Variants in L3MBTL4 observed in about 807,000 individuals in gnomAD.
L3MBTL4 encodes lethal(3)malignant brain tumor-like protein 4.
A neutral mutation model predicts 84.5 loss-of-function variants in L3MBTL4; 70 were observed. That is an observed-to-expected ratio of 0.83 (90% CI 0.68 to 1.01). L3MBTL4 has a LOEUF of 1.01. Among genes scored for constraint, L3MBTL4 ranks in the 50% least tolerant of loss-of-function variants. L3MBTL4 has a pLI of 0.00. For missense variants in L3MBTL4, 715 were observed against 754.8 expected, an observed-to-expected ratio of 0.95 and a Z score of 0.62; for synonymous variants, 274 against 259.8, an observed-to-expected ratio of 1.05 and a Z score of -0.52.
At chr18:5,989,381 G>A (rs569784545) in intron 16 of L3MBTL4, among the ~76,000 whole-genome samples, 122 of 149,418 alleles carry the variant, frequency 8.2e-4, no homozygotes, top group Middle Eastern at 3.4e-3. Context: ...TGCAGCATGA[G>A]CAGTATGTGG....
At chr18:6,338,987 C>G (rs1344218600) in intron 1 of L3MBTL4, among the ~76,000 whole-genome samples, 1 of 152,110 alleles carries the variant, frequency 6.6e-6, no homozygotes, top group Admixed American at 6.5e-5. Flanking sequence ...TACTCATTAA[C>G]AGAATTTCAA....
At chr18:6,130,865 C>T (rs1378784164) in intron 14 of L3MBTL4, among the ~76,000 whole-genome samples, 2 of 151,056 alleles carry the variant, frequency 1.3e-5, no homozygotes, top group Non-Finnish European at 2.9e-5. Flanking sequence ...GTCCTATTTT[C>T]ATACAGATAA....
chr18:6,045,813 A>C (rs765355706), intron 16 of L3MBTL4, among the ~76,000 whole-genome samples: 14 of 152,168 alleles, frequency 9.2e-5, no homozygotes, highest in Non-Finnish European at 1.8e-4. Flanking sequence ...AGACCCTAAA[A>C]AGCAACCACA....
At chr18:5,993,952 T>C (rs2053823259) in intron 16 of L3MBTL4, among the ~76,000 whole-genome samples, 1 of 152,190 alleles carries the variant, frequency 6.6e-6, no homozygotes, top group African/African-American at 2.4e-5. Flanking sequence ...AAGGAATGAA[T>C]GAATAAGCCA....
intron 1 of L3MBTL4, among the ~76,000 whole-genome samples, chr18:6,408,320 A>C (rs1335760533): frequency 6.6e-6 from 1 of 152,188 alleles, no homozygotes; most frequent in Non-Finnish European, 1.5e-5. Context: ...AATAAGAAAA[A>C]ACAATCTAAT....
chr18:6,161,860 T>C (rs2043354908), intron 13 of L3MBTL4, among the ~76,000 whole-genome samples: 1 of 151,894 alleles, frequency 6.6e-6, no homozygotes, highest in Non-Finnish European at 1.5e-5. Flanking sequence ...ATTTCATACA[T>C]TTGTAAACCA....
intron 16 of L3MBTL4, among the ~76,000 whole-genome samples, chr18:5,997,357 C>G (rs1423372941): frequency 7.0e-6 from 1 of 142,054 alleles, no homozygotes. Flanking sequence ...CACAATTTGC[C>G]CATCAGGAAA....
intron 13 of L3MBTL4, among the ~76,000 whole-genome samples, chr18:6,164,779 C>T (rs571377449): frequency 2.0e-5 from 3 of 152,206 alleles, no homozygotes; most frequent in Non-Finnish European, 4.4e-5. Context: ...AGTGCCTCTC[C>T]TCCTCCAAAG....
At chr18:6,277,326 T>A (rs911920317) in intron 4 of L3MBTL4, among the ~76,000 whole-genome samples, 51 of 152,330 alleles carry the variant, frequency 3.3e-4, no homozygotes, top group African/African-American at 1.2e-3. Flanking sequence ...AAGTCTTTAA[T>A]CTATTTGAAA....
chr18:6,027,819 C>G (rs1426441885), intron 16 of L3MBTL4, among the ~76,000 whole-genome samples: 1 of 152,208 alleles, frequency 6.6e-6, no homozygotes, highest in Non-Finnish European at 1.5e-5. Flanking sequence ...TGTTTGTTGT[C>G]CGCAGAAATG....
intron 16 of L3MBTL4, among the ~76,000 whole-genome samples, chr18:6,072,927 C>CAA (rs2057736313): frequency 1.2e-5 from 1 of 80,176 alleles, no homozygotes. Flanking sequence ...TATATATATA[C>CAA]ACACATACAT....
intron 11 of L3MBTL4, among the ~76,000 whole-genome samples, chr18:6,214,069 G>A (rs867954211): frequency 1.3e-5 from 2 of 152,140 alleles, no homozygotes; most frequent in South Asian, 2.1e-4. Flanking sequence ...TTAGATAAAA[G>A]CTGTGTAATT....
chr18:6,218,065 T>C (rs1423258813), intron 10 of L3MBTL4, among the ~76,000 whole-genome samples: 2 of 152,224 alleles, frequency 1.3e-5, no homozygotes, highest in South Asian at 4.1e-4. Flanking sequence ...TTATGAGTTA[T>C]ACTATATATT....
At chr18:6,027,866 C>T (rs1323779418) in intron 16 of L3MBTL4, among the ~76,000 whole-genome samples, 1 of 152,046 alleles carries the variant, frequency 6.6e-6, no homozygotes, top group African/African-American at 2.4e-5. Context: ...ATCCTTTGCC[C>T]ACTTTTTGAT....
intron 1 of L3MBTL4, among the ~76,000 whole-genome samples, chr18:6,377,727 G>A (rs1211689075): frequency 6.6e-6 from 1 of 152,172 alleles, no homozygotes; most frequent in Non-Finnish European, 1.5e-5. Context: ...TATCATTGAT[G>A]GAAATTTGGG....
At chr18:6,272,015 A>G (rs556987554) in intron 4 of L3MBTL4, among the ~76,000 whole-genome samples, 1 of 152,332 alleles carries the variant, frequency 6.6e-6, no homozygotes. Flanking sequence ...TGGGAGGCAG[A>G]TGACATAAGC....
chr18:6,064,932 C>T (rs950796003), intron 16 of L3MBTL4, among the ~76,000 whole-genome samples: 5 of 151,930 alleles, frequency 3.3e-5, no homozygotes, highest in Non-Finnish European at 7.4e-5. Context: ...TGTTCCAGTT[C>T]TCAGGGGGAA....
intron 10 of L3MBTL4, among the ~76,000 whole-genome samples, chr18:6,230,381 C>T (rs2046948499): frequency 6.6e-6 from 1 of 152,140 alleles, no homozygotes; most frequent in Non-Finnish European, 1.5e-5. Flanking sequence ...TGGTCTCCAG[C>T]TCCATCCACA....
intron 17 of L3MBTL4, among the ~76,000 whole-genome samples, chr18:5,966,552 C>T (rs1335744862): frequency 6.6e-6 from 1 of 152,180 alleles, no homozygotes; most frequent in Non-Finnish European, 1.5e-5. Flanking sequence ...TGGACACTCA[C>T]ACCTTGGGAA....
Sources: allele counts gnomAD v4.1 joint callset (sites outside exome capture counted in the v4.1 genomes callset), GRCh38; gene constraint gnomAD v4.1.1; transcripts MANE v1.5; gene names NCBI Gene and HGNC (gene_info 2026-07-23, HGNC 2026-07-21).